Variants in MYO5C observed in about 807,000 individuals in gnomAD.
MYO5C encodes the protein myosin VC, also known as unconventional myosin-Vc.
MYO5C carries 194 observed loss-of-function variants against 235.7 expected under a neutral mutation model. The observed-to-expected ratio is 0.82, with a 90% CI of 0.73 to 0.93. The LOEUF (loss-of-function observed/expected upper bound fraction) is 0.93, where lower values mean the gene tolerates loss of function less well. Ranked by LOEUF, MYO5C falls within the 40% of genes least tolerant of loss-of-function variation. MYO5C has a pLI of 0.00. For synonymous variants in MYO5C, 707 were observed against 754.8 expected, an observed-to-expected ratio of 0.94 and a Z score of 1.04; for missense variants, 2,038 against 2,127.2, an observed-to-expected ratio of 0.96 and a Z score of 0.82.
rs766525245 is a variant in MYO5C, at chr15:52,204,998, A to G, written c.4687T>C (p.Cys1563Arg). ...AGCTCGGGGTCCAGGCCGTTCTGGC[A>G]CATGGTGGTGTAAAAGTAGCTCAGC... Reference protein sequence around the residue: ...QQLSYFYTTMCQNGLDPELVR... With the variant: ...QQLSYFYTTMRQNGLDPELVR... Residue 1563 changes from cysteine (C) to arginine (R), a missense_variant, in exon 38 of 41, where the codon TGC (cysteine) becomes CGC (arginine). Transcript: ENST00000261839. The G allele has an allele frequency of 6.2e-7, 1 of 1,614,216 alleles. No individual in the cohort carries two copies.
chr15:52,205,613 A>G (rs2035294465), intron 37 of MYO5C: 1 of 390,294 alleles, frequency 2.6e-6, no homozygotes, highest in Admixed American at 4.1e-5. Context: ...ATCCTTATAT[A>G]AAGAAAACTA....
chr15:52,217,447 A>T (rs2035580867), intron 32 of MYO5C, among the ~76,000 whole-genome samples: 1 of 152,162 alleles, frequency 6.6e-6, no homozygotes, highest in Non-Finnish European at 1.5e-5. Flanking sequence ...TGACCCACCC[A>T]TGTAGCTTCT....
At position 52,221,174 on chromosome 15, in the gene MYO5C, C is replaced by T. The variant is rs1204271379; in HGVS notation, c.3709G>A (p.Glu1237Lys). The T allele has an allele frequency of 6.2e-7, 1 of 1,610,918 alleles. No homozygotes were observed. The highest frequency in any genetic ancestry group is 1.1e-5 in the South Asian group (1 of 90,036). The change falls in exon 30 of 41, where the codon GAG becomes AAG. Residue 1237 changes from glutamate (E) to lysine (K), a missense_variant. Coordinates refer to ENST00000261839, the MANE Select transcript of MYO5C (RefSeq NM_018728.4). ...GGGTTTCAGTTACCTTTCATTTTCT[C>T]AGCTTGTTCATTCAGGCGGATTTCA... ...DLEIRLNEQAEKMKGKLEELS... is the reference protein window; with the variant it reads ...DLEIRLNEQAKKMKGKLEELS...
intron 19 of MYO5C, chr15:52,242,971 C>T (rs901416776): frequency 2.6e-5 from 4 of 152,198 alleles, no homozygotes; most frequent in Admixed American, 2.6e-4. Flanking sequence ...GAAAATTAGA[C>T]GTCAATGAGG....
chr15:52,277,073 A>AT (rs1350608754), intron 4 of MYO5C: 1 of 472,106 alleles, frequency 2.1e-6, no homozygotes, highest in African/African-American at 2.0e-5. Flanking sequence ...CCGGTCCAAT[A>AT]TTTTCATTTC....
chr15:52,282,800 G>C lies in MYO5C; in HGVS notation c.120C>G (p.Leu40=), dbSNP rs1283787110. The change falls in exon 2 of 41, where the codon CTC becomes CTG. Residue 40 remains leucine (L), a synonymous_variant. Transcript: ENST00000261839. ...CCCTCACCGTTCCATCCTCCAGCAGGAGTCGCAGGACCTTGTCACCAACTC... is the reference window on the plus strand; with the variant it reads ...CCCTCACCGTTCCATCCTCCAGCAGCAGTCGCAGGACCTTGTCACCAACTC... ...DYRVGDKVLR[L]LLEDGTELDY... 1.2e-6 allele frequency: 2 copies of C among 1,610,706 alleles called. No homozygotes were observed. The highest frequency in any genetic ancestry group is 1.7e-6 in the Non-Finnish European group (2 of 1,176,866).
rs2035296002 is a variant in MYO5C at position 52,205,678 on chromosome 15, G to A, written c.4537+138C>T. The A allele has an allele frequency of 3.1e-5, 15 of 482,338 alleles. No homozygotes were observed. In the Admixed American group the frequency reaches 4.6e-4, roughly 15 times the overall value. The allele number at this position is 482,338 out of a possible 1,614,324, so 29.9% of individuals were successfully genotyped here. A position where few individuals can be genotyped will look rare whatever the true frequency, so the allele number is the denominator to read the frequency against. On this transcript the variant is annotated intron_variant, in intron 37 of 40. Transcript: ENST00000261839. ...TTATAAGCAAGCAAAGAATTAAAAGGCAGATATCTACATGATTATATTTCC... is the reference window on the plus strand; with the variant it reads ...TTATAAGCAAGCAAAGAATTAAAAGACAGATATCTACATGATTATATTTCC...
At chr15:52,266,913 C>T (rs1174758369) in intron 8 of MYO5C, among the ~76,000 whole-genome samples, 2 of 152,208 alleles carry the variant, frequency 1.3e-5, no homozygotes, top group East Asian at 1.9e-4. Flanking sequence ...TCACACAGCA[C>T]AGCAGGCAGC....
intron 5 of MYO5C, 61 bp from the exon 6 acceptor site, chr15:52,272,784 T>C: frequency 1.9e-6 from 3 of 1,564,688 alleles, no homozygotes; most frequent in Non-Finnish European, 2.6e-6. Flanking sequence ...TCAAAATTAT[T>C]GGAGGGGTTT....
intron 32 of MYO5C, among the ~76,000 whole-genome samples, chr15:52,216,654 AG>A (rs1039542705): frequency 2.0e-5 from 3 of 152,136 alleles, no homozygotes; most frequent in Admixed American, 6.5e-5. Flanking sequence ...GAAAAAAAAA[AG>A]AAATTTCTTT....
At chr15:52,218,188 C>T (rs1003925364) in intron 32 of MYO5C, among the ~76,000 whole-genome samples, 9 of 152,152 alleles carry the variant, frequency 5.9e-5, no homozygotes, top group African/African-American at 2.2e-4. Flanking sequence ...CTGGGTAAAG[C>T]ACTCACACGT....
intron 1 of MYO5C, among the ~76,000 whole-genome samples, chr15:52,285,385 A>T (rs1320576556): frequency 1.3e-5 from 2 of 148,566 alleles, no homozygotes; most frequent in Non-Finnish European, 3.0e-5. Flanking sequence ...AAAAAAAACA[A>T]ACAGGCTCTC....
At position 52,242,090 on chromosome 15, in the gene MYO5C, C is replaced by T. The variant is rs958527657; in HGVS notation, c.2514G>A (p.Gln838=). ...QLIRMATITM[Q]AYSRGFLARR... ...TTGCCAGGAATCCTCGGCTGTAGGC[C>T]TGCATTGTGATGGTGGCCATGCGAA... Residue 838 remains glutamine, a synonymous_variant, in exon 20 of 41, where the codon CAG becomes CAA. Transcript: ENST00000261839. 6.2e-7 allele frequency: 1 copy of T among 1,613,992 alleles called. No homozygotes were observed.
rs141878957 is a variant in MYO5C at position 52,272,403 on chromosome 15, C to T, written c.750+177G>A. On this transcript the variant is annotated intron_variant, in intron 6 of 40. Transcript: ENST00000261839. ...CAGACATACAACTCACCTGATATTA[C>T]ACCTATTCATCCATCAATTTTTAAT... is the stretch of plus-strand genomic sequence containing the variant. 7.2e-3 allele frequency among the ~76,000 whole-genome samples: 1,090 copies of T among 152,302 alleles called. 5 individuals carry two copies. Among genetic ancestry groups the T allele is most frequent in the Middle Eastern group, 0.014 (4 of 294 alleles).
At chr15:52,272,444 T>A in intron 6 of MYO5C, 136 bp downstream of exon 6, 1 of 808,202 alleles carries the variant, frequency 1.2e-6, no homozygotes. Context: ...GAAAAAAGAA[T>A]CCAAACTGCA....
intron 8 of MYO5C, among the ~76,000 whole-genome samples, chr15:52,268,338 G>A (rs1361372664): frequency 6.6e-6 from 1 of 152,216 alleles, no homozygotes; most frequent in Non-Finnish European, 1.5e-5. Context: ...GCCAAGGCGG[G>A]CAGATCACGA....
At chr15:52,195,314 G>C in intron 40 of MYO5C, 63 bp downstream of exon 40, 2 of 1,063,144 alleles carry the variant, frequency 1.9e-6, no homozygotes, top group Non-Finnish European at 2.8e-6. Flanking sequence ...TGTTAATTAA[G>C]TATCAACATC....
At chr15:52,265,117 T>A (rs1404322272) in intron 8 of MYO5C, 1 of 152,300 alleles carries the variant, frequency 6.6e-6, no homozygotes, top group Non-Finnish European at 1.5e-5. Flanking sequence ...TATTCTGTTG[T>A]GAGCCTGCCC....
rs1178630879 is a variant in MYO5C, at chr15:52,232,255, AGG to A, written c.3026+365_3026+366del. Among the ~76,000 whole-genome samples, 476 of 136,472 alleles carry A rather than the reference AGG, an allele frequency of 3.5e-3. 158 individuals are homozygous for A. Among genetic ancestry groups the A allele is most frequent in the African/African-American group, 0.013 (464 of 34,720 alleles). 89.5% of individuals were successfully genotyped at this position (136,472 alleles called of 152,430 possible). A position where few individuals can be genotyped will look rare whatever the true frequency, so the allele number is the denominator to read the frequency against. ...GAAGAAAGAAAGAAGGAAGGAGAGA[AGG>A]AAGGAAGGAGAGAAGGAAGGAAGGA... On this transcript the variant is annotated intron_variant, in intron 24 of 40. Transcript: ENST00000261839.
Sources: allele counts gnomAD v4.1 joint callset (sites outside exome capture counted in the v4.1 genomes callset), GRCh38; gene constraint gnomAD v4.1.1; transcripts MANE v1.5; gene names NCBI Gene and HGNC (gene_info 2026-07-23, HGNC 2026-07-21).